GRXCR2: variants seen among roughly 807,000 people sequenced by gnomAD.
GRXCR2 encodes glutaredoxin and cysteine rich domain containing 2.
GRXCR2 carries 23 observed loss-of-function variants against 24.8 expected under a neutral mutation model. The ratio of observed to expected loss-of-function variants is 0.93; its 90% CI spans 0.67 to 1.32. The LOEUF (loss-of-function observed/expected upper bound fraction) is 1.32. Ranked by LOEUF, GRXCR2 falls within the 40% of genes most tolerant of loss-of-function variation. The pLI is 0.00. For missense variants in GRXCR2, 315 were observed against 303.4 expected (o/e 1.04, Z -0.28); for synonymous variants, 130 against 116.1 (o/e 1.12, Z -0.77).
chr5:145,882,247 G>A (rs920120691), intron 2 of GRXCR2, among the ~76,000 whole-genome samples: 1 of 152,012 alleles, frequency 6.6e-6, no homozygotes, highest in Non-Finnish European at 1.5e-5. Flanking sequence ...TACAGAATGG[G>A]AGAAAATTTT....
intron 2 of GRXCR2, among the ~76,000 whole-genome samples, chr5:145,920,598 A>G (rs563474877): frequency 6.6e-6 from 1 of 152,238 alleles, no homozygotes; most frequent in South Asian, 2.1e-4. Context: ...TTCCCCAAAC[A>G]TGTTTCCTTA....
intron 2 of GRXCR2, among the ~76,000 whole-genome samples, chr5:145,893,512 A>G (rs1756902010): frequency 1.3e-5 from 2 of 152,212 alleles, no homozygotes; most frequent in African/African-American, 2.4e-5. Context: ...ACTTTAAACC[A>G]ACAAAGGTCA....
At chr5:145,907,178 A>G (rs966335984) in intron 2 of GRXCR2, among the ~76,000 whole-genome samples, 3 of 152,126 alleles carry the variant, frequency 2.0e-5, no homozygotes, top group African/African-American at 7.2e-5. Context: ...ATCCTGAGAG[A>G]CAGAAGCTAT....
In GRXCR2 at chr5:145,872,822, G is replaced by T. The variant is rs1263917868; in HGVS notation, c.147C>A (p.Tyr49Ter). Reference sequence around the variant, plus strand: ...GAGACTCTTGCAGAAAACTGTGAGGGTATTCCTCCTTTGGTGACTCTAATT... The same window carrying T: ...GAGACTCTTGCAGAAAACTGTGAGGTTATTCCTCCTTTGGTGACTCTAATT... ...GQELESPKEE[Y>*]PHSFLQESLE... is the part of the protein sequence containing the mutation. Residue 49 changes from tyrosine (Y) to a stop codon, truncating the protein, a stop_gained, in exon 1 of 3, where the codon TAC (tyrosine) becomes TAA (stop). Transcript: ENST00000377976. LOFTEE classifies it high-confidence loss of function. 7 of 1,614,030 alleles carry T rather than the reference G, an allele frequency of 4.3e-6. No homozygotes were observed. The highest frequency in any genetic ancestry group is 1.1e-5 in the South Asian group (1 of 91,072).
At chr5:145,879,337 G>A (rs1756665889) in intron 2 of GRXCR2, among the ~76,000 whole-genome samples, 1 of 147,582 alleles carries the variant, frequency 6.8e-6, no homozygotes. Flanking sequence ...CAAAATAAAG[G>A]GATGGAGGAA....
intron 2 of GRXCR2, among the ~76,000 whole-genome samples, chr5:145,895,934 A>G (rs1333106486): frequency 6.6e-6 from 1 of 152,226 alleles, no homozygotes; most frequent in South Asian, 2.1e-4. Flanking sequence ...CAATACAGAG[A>G]TATAGAACAA....
chr5:145,883,107 C>A (rs375163888), intron 2 of GRXCR2, among the ~76,000 whole-genome samples: 2 of 151,596 alleles, frequency 1.3e-5, no homozygotes, highest in African/African-American at 2.4e-5. Context: ...ACCAACATGG[C>A]ACATGTATAC....
At chr5:145,911,263 C>A (rs2149925578) in intron 2 of GRXCR2, among the ~76,000 whole-genome samples, 1 of 152,226 alleles carries the variant, frequency 6.6e-6, no homozygotes, top group African/African-American at 2.4e-5. Context: ...CTGTTTCTTG[C>A]TTAAATCAGA....
intron 2 of GRXCR2, among the ~76,000 whole-genome samples, chr5:145,882,886 G>A (rs546624653): frequency 1.6e-3 from 236 of 152,188 alleles, no homozygotes; most frequent in African/African-American, 5.4e-3. Context: ...CATGGATGAA[G>A]CTGGAAACCA....
chr5:145,884,418 A>G (rs1756748290), intron 2 of GRXCR2, among the ~76,000 whole-genome samples: 2 of 152,166 alleles, frequency 1.3e-5, no homozygotes, highest in Non-Finnish European at 2.9e-5. Flanking sequence ...GGTTGGTATT[A>G]ATATCAGAAG....
upstream of GRXCR2, among the ~76,000 whole-genome samples, chr5:145,875,090 A>G (rs1157370646): frequency 6.6e-6 from 1 of 152,192 alleles, no homozygotes; most frequent in African/African-American, 2.4e-5. Context: ...TTCAACTGTG[A>G]ACATCTTGCA....
At chr5:145,927,529 G>T (rs186207366) in intron 2 of GRXCR2, among the ~76,000 whole-genome samples, 3 of 152,086 alleles carry the variant, frequency 2.0e-5, no homozygotes, top group Non-Finnish European at 4.4e-5. Flanking sequence ...GCTGGATTAC[G>T]TTTATTGATT....
upstream of GRXCR2, among the ~76,000 whole-genome samples, chr5:145,873,358 A>G (rs1756564685): frequency 6.6e-6 from 1 of 152,266 alleles, no homozygotes; most frequent in Non-Finnish European, 1.5e-5. Context: ...AGCAATGACA[A>G]TTAAAATCTA....
chr5:145,880,659 G>A (rs912080206), intron 2 of GRXCR2, among the ~76,000 whole-genome samples: 4 of 152,140 alleles, frequency 2.6e-5, no homozygotes, highest in Non-Finnish European at 4.4e-5. Flanking sequence ...TAGAAAAAGA[G>A]GGAATCCTCC....
At chr5:145,931,430 C>G (rs1012990919) in intron 2 of GRXCR2, among the ~76,000 whole-genome samples, 1 of 152,108 alleles carries the variant, frequency 6.6e-6, no homozygotes, top group Non-Finnish European at 1.5e-5. Flanking sequence ...TTGTCCTGGC[C>G]AGCAGTCTGG....
At chr5:145,889,167 TC>T (rs1483119473) in intron 2 of GRXCR2, among the ~76,000 whole-genome samples, 2 of 55,366 alleles carry the variant, frequency 3.6e-5, no homozygotes, top group African/African-American at 1.5e-4. Context: ...AGACTCTGTC[TC>T]AAAAAAAGAA....
intron 2 of GRXCR2, among the ~76,000 whole-genome samples, chr5:145,912,582 T>C (rs981598948): frequency 7.2e-5 from 11 of 152,156 alleles, no homozygotes; most frequent in East Asian, 5.8e-4. Flanking sequence ...TGGTGGTAAG[T>C]GTTTTGAAGA....
chr5:145,904,350 A>G (rs895113969), intron 2 of GRXCR2, among the ~76,000 whole-genome samples: 15 of 152,094 alleles, frequency 9.9e-5, no homozygotes, highest in Admixed American at 7.8e-4. Context: ...CTGATGGTTG[A>G]TGGGATCTTG....
chr5:145,877,861 T>G (rs1756642619), upstream of GRXCR2, among the ~76,000 whole-genome samples: 2 of 152,330 alleles, frequency 1.3e-5, no homozygotes, highest in South Asian at 4.2e-4. Flanking sequence ...TTCTGCAATC[T>G]TTGCTGTTCT....
Sources: allele counts gnomAD v4.1 joint callset (sites outside exome capture counted in the v4.1 genomes callset), GRCh38; gene constraint gnomAD v4.1.1; transcripts MANE v1.5; gene names NCBI Gene and HGNC (gene_info 2026-07-23, HGNC 2026-07-21).